PCNX2: variants seen among roughly 807,000 people sequenced by gnomAD.
PCNX2 encodes pecanex 2.
A neutral mutation model predicts 223.8 loss-of-function variants in PCNX2; 168 were observed. The ratio of observed to expected loss-of-function variants is 0.75; its 90% CI spans 0.66 to 0.85. The LOEUF (loss-of-function observed/expected upper bound fraction) is 0.85. Among genes scored for constraint, PCNX2 ranks in the 40% least tolerant of loss-of-function variants. PCNX2 has a pLI of 0.00. For synonymous variants in PCNX2, 1,006 were observed against 1,052.6 expected (o/e 0.96, Z 0.86); for missense variants, 2,507 against 2,675.5 (o/e 0.94, Z 1.39).
intron 25 of PCNX2, among the ~76,000 whole-genome samples, chr1:233,034,684 G>A (rs542388243): frequency 6.6e-6 from 1 of 152,146 alleles, no homozygotes; most frequent in African/African-American, 2.4e-5. Context: ...GTTGGAAACC[G>A]AAGAATGGTT....
intron 13 of PCNX2, 97 bp from the exon 14 acceptor site, chr1:233,200,361 A>T (rs879007194): frequency 3.0e-6 from 1 of 332,884 alleles, no homozygotes; most frequent in Admixed American, 5.5e-5. Context: ...AAACCACCCC[A>T]CCCAGGAATA....
At chr1:233,133,911 G>A (rs1016097060) in intron 21 of PCNX2, among the ~76,000 whole-genome samples, 16 of 151,368 alleles carry the variant, frequency 1.1e-4, no homozygotes, top group African/African-American at 3.4e-4. Context: ...GTGCAATGGT[G>A]GGGTGGTGGG....
chr1:233,244,581 G>T (rs1454577425), intron 8 of PCNX2, among the ~76,000 whole-genome samples: 1 of 152,020 alleles, frequency 6.6e-6, no homozygotes. Flanking sequence ...GTGTGGTGGT[G>T]CATGCCTATA....
rs776631242 is a variant in PCNX2 at position 233,258,887 on chromosome 1, C to G, written c.975G>C (p.Glu325Asp). The change falls in exon 5 of 34, where the codon GAG becomes GAC. Residue 325 changes from glutamate (E) to aspartate (D), a missense_variant. Transcript: ENST00000258229. Reference protein sequence around the residue: ...CDTIVAKPVEEPADTSCQVDT... With the variant: ...CDTIVAKPVEDPADTSCQVDT... ...CTACCTGACAGGATGTGTCTGCTGGCTCCTCCACAGGCTTGGCCACGATGG... is the reference window on the plus strand; with the variant it reads ...CTACCTGACAGGATGTGTCTGCTGGGTCCTCCACAGGCTTGGCCACGATGG... The G allele has an allele frequency of 1.2e-6, 2 of 1,613,940 alleles. No homozygotes were observed. Among genetic ancestry groups the G allele is most frequent in the Admixed American group, 3.3e-5 (2 of 60,022 alleles).
intron 23 of PCNX2, among the ~76,000 whole-genome samples, chr1:233,076,323 C>T (rs192210582): frequency 1.3e-5 from 2 of 152,230 alleles, no homozygotes; most frequent in Non-Finnish European, 2.9e-5. Context: ...CAAGATGAAC[C>T]GGGCTTTTGA....
At chr1:233,172,285 TG>T in intron 17 of PCNX2, 1 of 934,412 alleles carries the variant, frequency 1.1e-6, no homozygotes, top group Non-Finnish European at 1.3e-6. Context: ...GGGAAACACT[TG>T]GACAAGGCAA....
intron 8 of PCNX2, among the ~76,000 whole-genome samples, chr1:233,237,229 G>A (rs1057391633): frequency 1.3e-5 from 2 of 152,170 alleles, no homozygotes; most frequent in Non-Finnish European, 2.9e-5. Flanking sequence ...GGGCAGGTAG[G>A]TAGATGCCTG....
chr1:233,261,174 T>G, intron 4 of PCNX2, 111 bp downstream of exon 4: 1 of 979,844 alleles, frequency 1.0e-6, no homozygotes, highest in Non-Finnish European at 1.6e-6. Flanking sequence ...CTATGCAGTC[T>G]TAGGTATAGT....
At chr1:232,996,638 A>G (rs1390817624) in intron 32 of PCNX2, among the ~76,000 whole-genome samples, 1 of 152,152 alleles carries the variant, frequency 6.6e-6, no homozygotes, top group African/African-American at 2.4e-5. Context: ...ATCAGTCCCT[A>G]TCTACCTATC....
At chr1:233,264,065 C>T (rs909916759) in intron 1 of PCNX2, among the ~76,000 whole-genome samples, 1 of 152,074 alleles carries the variant, frequency 6.6e-6, no homozygotes, top group African/African-American at 2.4e-5. Context: ...CTGAGCATGG[C>T]GACCATAGTG....
At chr1:233,150,081 C>T (rs960704766) in intron 19 of PCNX2, among the ~76,000 whole-genome samples, 4 of 152,262 alleles carry the variant, frequency 2.6e-5, no homozygotes, top group African/African-American at 9.6e-5. Flanking sequence ...CAGAGGGCTG[C>T]AGCCACAGCC....
intron 12 of PCNX2, 63 bp downstream of exon 12, chr1:233,217,836 C>CTTT (rs1435680841): frequency 6.2e-7 from 1 of 1,602,356 alleles, no homozygotes; most frequent in Non-Finnish European, 8.5e-7. Flanking sequence ...TAGATTTTGG[C>CTTT]TTTTTCCCTG....
intron 23 of PCNX2, among the ~76,000 whole-genome samples, chr1:233,062,235 G>C (rs1672433319): frequency 1.3e-5 from 2 of 151,994 alleles, no homozygotes; most frequent in Non-Finnish European, 2.9e-5. Flanking sequence ...TATCCCATGG[G>C]CACCTGAAAA....
chr1:233,167,520 T>C (rs1295489741), intron 17 of PCNX2, among the ~76,000 whole-genome samples: 1 of 152,194 alleles, frequency 6.6e-6, no homozygotes, highest in East Asian at 1.9e-4. Flanking sequence ...AAAACTGTAC[T>C]ATATTTGGGA....
Position 233,069,499 on chromosome 1 carries a change from A to C in PCNX2, c.4077-12209T>G, listed in dbSNP as rs186611966. ...CCACAAATTCTTAAAAAATGAAATC[A>C]TACAGAGTTTGTTCTCCAACCATAA... On this transcript the variant is annotated intron_variant, in intron 23 of 33. Coordinates refer to ENST00000258229, the MANE Select transcript of PCNX2 (RefSeq NM_014801.4). 3.2e-4 allele frequency among the ~76,000 whole-genome samples: 48 copies of C among 152,270 alleles called. 1 individual carries two copies. Among genetic ancestry groups the C allele is most frequent in the Non-Finnish European group, 7.1e-4 (48 of 68,004 alleles).
chr1:233,048,890 A>G (rs2102868683), intron 25 of PCNX2, among the ~76,000 whole-genome samples: 1 of 152,322 alleles, frequency 6.6e-6, no homozygotes, highest in Non-Finnish European at 1.5e-5. Context: ...CTCTATGCAT[A>G]CAAACTAGAA....
intron 23 of PCNX2, among the ~76,000 whole-genome samples, chr1:233,071,748 T>C (rs1050890942): frequency 1.3e-5 from 2 of 152,222 alleles, no homozygotes; most frequent in African/African-American, 2.4e-5. Flanking sequence ...GTTGAACTAA[T>C]TTACACTTCC....
chr1:233,214,969 G>C (rs901568737), intron 12 of PCNX2, among the ~76,000 whole-genome samples: 2 of 152,104 alleles, frequency 1.3e-5, no homozygotes, highest in Admixed American at 6.5e-5. Flanking sequence ...TTAGAAGCAC[G>C]CAAAAAAGAA....
At chr1:233,053,174 C>G (rs570443427) in intron 25 of PCNX2, among the ~76,000 whole-genome samples, 1 of 152,100 alleles carries the variant, frequency 6.6e-6, no homozygotes, top group South Asian at 2.1e-4. Context: ...CTGACACTGG[C>G]GGGGAGATCT....
Sources: allele counts gnomAD v4.1 joint callset (sites outside exome capture counted in the v4.1 genomes callset), GRCh38; gene constraint gnomAD v4.1.1; transcripts MANE v1.5; gene names NCBI Gene and HGNC (gene_info 2026-07-23, HGNC 2026-07-21).